KLF7: variants seen among roughly 807,000 people sequenced by gnomAD.
KLF7 encodes the protein Krueppel-like factor 7.
KLF7 carries 2 observed loss-of-function variants against 27.3 expected under a neutral mutation model. The observed-to-expected ratio is 0.07, with a 90% CI of 0.03 to 0.23. The LOEUF (loss-of-function observed/expected upper bound fraction) is 0.23. Among genes scored for constraint, KLF7 ranks in the 10% least tolerant of loss-of-function variants. The pLI, the probability that KLF7 is intolerant of heterozygous loss-of-function variation, is 1.00. For missense variants in KLF7, 221 were observed against 394.1 expected (o/e 0.56, Z 3.72); for synonymous variants, 165 against 162.4 (o/e 1.02, Z -0.12).
intron 2 of KLF7, among the ~76,000 whole-genome samples, chr2:207,111,731 A>G (rs1198572538): frequency 6.6e-6 from 1 of 152,168 alleles, no homozygotes; most frequent in Non-Finnish European, 1.5e-5. Flanking sequence ...GAGACATCAA[A>G]AGAAAAAAGA....
chr2:207,134,161 T>TTTC, intron 1 of KLF7: 1 of 1,477,046 alleles, frequency 6.8e-7, no homozygotes, highest in Non-Finnish European at 8.9e-7. Context: ...GGGATTTTTT[T>TTTC]TTTTTTTTTT....
At chr2:207,166,014 T>C, upstream of KLF7, 1 of 980,970 alleles carries the variant, frequency 1.0e-6, no homozygotes, top group Non-Finnish European at 1.2e-6. Flanking sequence ...CGATCGCTTC[T>C]CTTCCCCCCC....
chr2:207,098,270 T>C (rs967009290), intron 2 of KLF7, among the ~76,000 whole-genome samples: 9 of 152,200 alleles, frequency 5.9e-5, no homozygotes, highest in African/African-American at 2.2e-4. Context: ...AATTTAAATA[T>C]ATTTTGGTGA....
upstream of KLF7, among the ~76,000 whole-genome samples, chr2:207,168,410 C>G (rs1225881221): frequency 1.3e-5 from 2 of 152,034 alleles, no homozygotes; most frequent in Non-Finnish European, 2.9e-5. Context: ...ATGAAGATAC[C>G]CACGCTTGGA....
chr2:207,139,615 T>A (rs923740487), intron 1 of KLF7, among the ~76,000 whole-genome samples: 13 of 152,208 alleles, frequency 8.5e-5, no homozygotes, highest in African/African-American at 2.4e-4. Context: ...ATTTTGGATC[T>A]TCTCAAGTTG....
chr2:207,112,806 T>C (rs13015463), intron 2 of KLF7, among the ~76,000 whole-genome samples: 34,186 of 152,228 alleles, frequency 0.22, 4,280 homozygotes, highest in Middle Eastern at 0.32. Context: ...AGTAATTACC[T>C]TTTTACCTGT....
chr2:207,116,392 C>G (rs549896151), intron 2 of KLF7, among the ~76,000 whole-genome samples: 1 of 152,152 alleles, frequency 6.6e-6, no homozygotes, highest in African/African-American at 2.4e-5. Context: ...CCATTCAAAA[C>G]CAATTTGTTT....
At chr2:207,128,668 CT>C (rs2077543917) in intron 1 of KLF7, among the ~76,000 whole-genome samples, 2 of 152,170 alleles carry the variant, frequency 1.3e-5, no homozygotes, top group Admixed American at 1.3e-4. Flanking sequence ...ACATGTACCC[CT>C]GATATGATAA....
chr2:207,146,154 T>C (rs930154232), intron 1 of KLF7, among the ~76,000 whole-genome samples: 3 of 152,202 alleles, frequency 2.0e-5, no homozygotes, highest in African/African-American at 7.2e-5. Context: ...GGTGAATACA[T>C]AAAGCACAAA....
chr2:207,142,207 A>G lies in KLF7; in HGVS notation c.103-17803T>C, dbSNP rs577519301. On this transcript the variant is annotated intron_variant, in intron 1 of 3. Transcript: ENST00000309446. Reference sequence around the variant, plus strand: ...AAAATCTTGATTAGGAGCTACTATTATTTTTCATTGCATGCTCTTCACTGA... The same window carrying G: ...AAAATCTTGATTAGGAGCTACTATTGTTTTTCATTGCATGCTCTTCACTGA... 2.0e-5 allele frequency among the ~76,000 whole-genome samples: 3 copies of G among 152,260 alleles called. No homozygotes were observed. The South Asian group carries it at 6.2e-4, about 32-fold the overall frequency.
At chr2:207,150,363 C>A (rs1445285554) in intron 1 of KLF7, among the ~76,000 whole-genome samples, 2 of 152,044 alleles carry the variant, frequency 1.3e-5, no homozygotes, top group Non-Finnish European at 2.9e-5. Context: ...TTTCAAAGTA[C>A]CACAATTAAG....
intron 1 of KLF7, among the ~76,000 whole-genome samples, chr2:207,134,480 A>G (rs1174001175): frequency 6.6e-6 from 1 of 152,136 alleles, no homozygotes; most frequent in Non-Finnish European, 1.5e-5. Flanking sequence ...GCGGAATGTT[A>G]AAGACAAGGT....
chr2:207,149,112 T>G, intron 1 of KLF7: 1 of 1,277,044 alleles, frequency 7.8e-7, no homozygotes, highest in Non-Finnish European at 1.0e-6. Flanking sequence ...AATCTGTCTT[T>G]TCCCCAGTCC....
At chr2:207,167,165 C>T, upstream of KLF7, 1 of 1,432,362 alleles carries the variant, frequency 7.0e-7, no homozygotes. Flanking sequence ...GAGGTGTCTG[C>T]AGAGCTTCGA....
intron 1 of KLF7, among the ~76,000 whole-genome samples, chr2:207,153,790 T>C (rs1025004484): frequency 6.6e-6 from 1 of 152,182 alleles, no homozygotes; most frequent in Non-Finnish European, 1.5e-5. Context: ...GAAAAGTTCC[T>C]TTGGGGAGCC....
chr2:207,100,502 G>C (rs975629930), intron 2 of KLF7, among the ~76,000 whole-genome samples: 2 of 152,074 alleles, frequency 1.3e-5, no homozygotes, highest in African/African-American at 2.4e-5. Flanking sequence ...CTCAGGAAAA[G>C]ATGTACACAA....
At chr2:207,133,500 G>A (rs999198509) in intron 1 of KLF7, among the ~76,000 whole-genome samples, 1 of 152,184 alleles carries the variant, frequency 6.6e-6, no homozygotes, top group Non-Finnish European at 1.5e-5. Context: ...CCAAGGACGT[G>A]GGAGGAGGCC....
chr2:207,082,744 A>G, intron 3 of KLF7, among the ~76,000 whole-genome samples: 1 of 151,980 alleles, frequency 6.6e-6, no homozygotes, highest in African/African-American at 2.4e-5. Context: ...ACAGTCCAAA[A>G]CTCCTGTCAG....
chr2:207,094,126 T>A (rs2076573543), intron 2 of KLF7, among the ~76,000 whole-genome samples: 1 of 152,250 alleles, frequency 6.6e-6, no homozygotes, highest in Non-Finnish European at 1.5e-5. Context: ...TCAAATGTAC[T>A]GTGCTATAAA....
Sources: allele counts gnomAD v4.1 joint callset (sites outside exome capture counted in the v4.1 genomes callset), GRCh38; gene constraint gnomAD v4.1.1; transcripts MANE v1.5; gene names NCBI Gene and HGNC (gene_info 2026-07-23, HGNC 2026-07-21).